The following FADS6 variants were observed in gnomAD, a reference collection of about 807,000 sequenced individuals.
The protein encoded by FADS6 is fatty acid desaturase 6.
FADS6 carries 28 observed loss-of-function variants against 31.7 expected under a neutral mutation model. That is an observed-to-expected ratio of 0.88 (90% CI 0.66 to 1.21). The LOEUF is 1.21. Ranked by LOEUF, FADS6 falls within the 50% of genes most tolerant of loss-of-function variation. The pLI, the probability that FADS6 is intolerant of heterozygous loss-of-function variation, is 0.00. For missense variants in FADS6, 494 were observed against 504.2 expected (o/e 0.98, Z 0.19); for synonymous variants, 191 against 213.1 (o/e 0.90, Z 0.90).
intron 4 of FADS6, among the ~76,000 whole-genome samples, chr17:74,880,668 C>G (rs1480615436): frequency 4.6e-5 from 7 of 152,130 alleles, no homozygotes. Context: ...TTCCCTGAAA[C>G]CAAAACTCGA....
At chr17:74,882,430 C>T in intron 3 of FADS6, 100 bp downstream of exon 3, 2 of 1,345,054 alleles carry the variant, frequency 1.5e-6, no homozygotes, top group East Asian at 2.5e-5. Flanking sequence ...ATCTATCGGG[C>T]CTTCCTCTAT....
chr17:74,878,481 G>C lies in FADS6; in HGVS notation c.961-4C>G, dbSNP rs763438981. On this transcript the variant is annotated splice_region_variant and splice_polypyrimidine_tract_variant and intron_variant, in intron 5 of 5. Transcript: ENST00000612771. ...ACTGGGACACCACGGGCTTCACCTG[G>C]TGGAAGATGGGCAGGAGAGGGCCTA... 1.9e-6 allele frequency: 3 copies of C among 1,613,616 alleles called. No homozygotes were observed. The highest frequency in any genetic ancestry group is 1.3e-5 in the African/African-American group (1 of 74,952).
At chr17:74,880,125 A>G (rs1181664506) in intron 4 of FADS6, among the ~76,000 whole-genome samples, 2 of 152,176 alleles carry the variant, frequency 1.3e-5, no homozygotes, top group Non-Finnish European at 2.9e-5. Context: ...AAGGAAGTAC[A>G]GGAAGCTCTA....
intron 5 of FADS6, 143 bp from the exon 6 acceptor site, chr17:74,878,620 C>A: frequency 6.0e-6 from 6 of 1,007,106 alleles, no homozygotes; most frequent in Non-Finnish European, 8.6e-6. Context: ...AGCAGAAGGG[C>A]TTAAGTCAGA....
chr17:74,877,917 C>A lies in FADS6; in HGVS notation c.*414G>T. On this transcript the variant is annotated 3_prime_UTR_variant, in exon 6 of 6. Transcript: ENST00000612771. ...GGGGCTCTCCCAATGCCAGGGAGGTCCCAGCCGAGGGAGCTGACCCTGTTC... is the reference window on the plus strand; with the variant it reads ...GGGGCTCTCCCAATGCCAGGGAGGTACCAGCCGAGGGAGCTGACCCTGTTC... 1 of 991,802 alleles carries A rather than the reference C, an allele frequency of 1.0e-6. No individual in the cohort carries two copies. Among genetic ancestry groups the A allele is most frequent in the Non-Finnish European group, 1.2e-6 (1 of 834,498 alleles). 61.4% of individuals were successfully genotyped at this position (991,802 alleles called of 1,614,324 possible).
At chr17:74,885,256 C>CA (rs2038610962) in intron 2 of FADS6, among the ~76,000 whole-genome samples, 1 of 151,440 alleles carries the variant, frequency 6.6e-6, no homozygotes, top group Admixed American at 6.6e-5. Flanking sequence ...CTTCCAAAAC[C>CA]AACTCACCTG....
In FADS6 at chr17:74,888,828, G is replaced by A. The variant is rs571375234; in HGVS notation, c.411+3695C>T. On this transcript the variant is annotated intron_variant, in intron 2 of 5. Transcript: ENST00000612771. ...CCAAGCTTCGGGGCTTAAATTACGG[G>A]GGCCTGCCCATCCCACACTGCCCCC... is the stretch of plus-strand genomic sequence containing the variant. 7.4e-4 allele frequency among the ~76,000 whole-genome samples: 112 copies of A among 152,284 alleles called. 1 individual carries two copies. The highest frequency in any genetic ancestry group is 2.2e-3 in the African/African-American group (92 of 41,556).
chr17:74,891,103 T>A (rs1234134985), intron 2 of FADS6, among the ~76,000 whole-genome samples: 3 of 146,916 alleles, frequency 2.0e-5, no homozygotes, highest in Non-Finnish European at 4.5e-5. Context: ...TACAGCTTTT[T>A]TCTTTTTGAT....
chr17:74,878,071 G>T lies in FADS6; in HGVS notation c.*260C>A. ...GGACCCAGCTCTTTAGTCCTGAGATGAAGTTGCTGAGGTCCAGACTGACCA... is the reference window on the plus strand; with the variant it reads ...GGACCCAGCTCTTTAGTCCTGAGATTAAGTTGCTGAGGTCCAGACTGACCA... On this transcript the variant is annotated 3_prime_UTR_variant, in exon 6 of 6. Transcript: ENST00000612771. 7.8e-7 allele frequency: 1 copy of T among 1,289,052 alleles called. No individual in the cohort carries two copies. The highest frequency in any genetic ancestry group is 9.8e-7 in the Non-Finnish European group (1 of 1,015,566). The allele number at this position is 1,289,052 out of a possible 1,614,324, so 79.9% of individuals were successfully genotyped here. A position where few individuals can be genotyped will look rare whatever the true frequency, so the allele number is the denominator to read the frequency against.
chr17:74,888,504 G>A (rs2038655440), intron 2 of FADS6, among the ~76,000 whole-genome samples: 2 of 152,188 alleles, frequency 1.3e-5, no homozygotes, highest in Admixed American at 6.6e-5. Context: ...CTGAACGCCT[G>A]TGAGGAGAGA....
At chr17:74,885,570 C>T (rs143783373) in intron 2 of FADS6, among the ~76,000 whole-genome samples, 24 of 152,168 alleles carry the variant, frequency 1.6e-4, no homozygotes, top group African/African-American at 5.1e-4. Context: ...GCCCCTCTGA[C>T]GACCCTCAAT....
chr17:74,876,030 TGA>T (rs1474196821), downstream of FADS6, among the ~76,000 whole-genome samples: 7 of 152,096 alleles, frequency 4.6e-5, no homozygotes, highest in Admixed American at 3.9e-4. Flanking sequence ...TCAGAACTAG[TGA>T]GAGTCTGTAG....
intron 3 of FADS6, among the ~76,000 whole-genome samples, chr17:74,882,087 C>G (rs2038576368): frequency 1.3e-5 from 2 of 152,036 alleles, no homozygotes; most frequent in African/African-American, 4.8e-5. Context: ...AGGCGCCCAC[C>G]ACCACGCCCA....
Position 74,893,613 on chromosome 17 carries a change from G to A in FADS6, c.-18C>T. The A allele has an allele frequency of 1.6e-6, 2 of 1,274,074 alleles. No individual in the cohort carries two copies. Among genetic ancestry groups the A allele is most frequent in the South Asian group, 2.6e-5 (1 of 37,836 alleles). 78.9% of individuals were successfully genotyped at this position (1,274,074 alleles called of 1,614,324 possible). ...GGTTCCATGGACTCTGTGGGCTCGGGCCCGACGCGCACGGAGGACTGGAGG... is the reference window on the plus strand; with the variant it reads ...GGTTCCATGGACTCTGTGGGCTCGGACCCGACGCGCACGGAGGACTGGAGG... On this transcript the variant is annotated 5_prime_UTR_variant, in exon 1 of 6. Coordinates refer to ENST00000612771, the MANE Select transcript of FADS6 (RefSeq NM_178128.6).
intron 2 of FADS6, 83 bp from the exon 3 acceptor site, chr17:74,882,793 AC>A: frequency 6.5e-7 from 1 of 1,540,346 alleles, no homozygotes; most frequent in Non-Finnish European, 8.7e-7. Flanking sequence ...CCCGGAGAAC[AC>A]CCCCACCTCC....
In FADS6 at chr17:74,892,694, G is replaced by A. The variant is rs373476741; in HGVS notation, c.245-5C>T. 1 of 1,608,888 alleles carries A rather than the reference G, an allele frequency of 6.2e-7. No homozygotes were observed. The highest frequency in any genetic ancestry group is 1.7e-5 in the Admixed American group (1 of 59,478). Reference sequence around the variant, plus strand: ...CCCAGCGCAGGCACAGGAAGCCTGCGTGGAGAGGAGGAAGAAGACGGGTCT... The same window carrying A: ...CCCAGCGCAGGCACAGGAAGCCTGCATGGAGAGGAGGAAGAAGACGGGTCT... On this transcript the variant is annotated splice_region_variant and splice_polypyrimidine_tract_variant and intron_variant, in intron 1 of 5. Coordinates refer to ENST00000612771, the MANE Select transcript of FADS6 (RefSeq NM_178128.6).
chr17:74,876,106 T>C (rs1320699584), downstream of FADS6, among the ~76,000 whole-genome samples: 1 of 152,096 alleles, frequency 6.6e-6, no homozygotes, highest in Non-Finnish European at 1.5e-5. Context: ...TGGAGATGAA[T>C]GGAGAGTGCA....
At chr17:74,885,887 C>T (rs1042768615) in intron 2 of FADS6, among the ~76,000 whole-genome samples, 2 of 152,110 alleles carry the variant, frequency 1.3e-5, no homozygotes, top group Non-Finnish European at 2.9e-5. Flanking sequence ...GGCGTGGTAG[C>T]TTATGCCTGT....
chr17:74,893,141 G>A (rs1463954548), intron 1 of FADS6, among the ~76,000 whole-genome samples: 2 of 152,100 alleles, frequency 1.3e-5, no homozygotes. Context: ...GGTACACAGG[G>A]CAGAACACCC....
Sources: allele counts gnomAD v4.1 joint callset (sites outside exome capture counted in the v4.1 genomes callset), GRCh38; gene constraint gnomAD v4.1.1; transcripts MANE v1.5; gene names NCBI Gene and HGNC (gene_info 2026-07-23, HGNC 2026-07-21).